Variants in LRRC49 observed in about 807,000 individuals in gnomAD.
LRRC49 encodes the protein leucine-rich repeat-containing protein 49.
A neutral mutation model predicts 83.3 loss-of-function variants in LRRC49; 50 were observed. The ratio of observed to expected loss-of-function variants is 0.60; its 90% CI spans 0.48 to 0.76. The LOEUF is 0.76. Ranked by LOEUF, LRRC49 falls within the 30% of genes least tolerant of loss-of-function variation. LRRC49 has a pLI of 0.00. For synonymous variants in LRRC49, 286 were observed against 283.3 expected (o/e 1.01, Z -0.10); for missense variants, 704 against 809.1 (o/e 0.87, Z 1.58).
intron 1 of LRRC49, chr15:70,859,330 C>A (rs1158356898): frequency 3.8e-6 from 3 of 784,402 alleles, no homozygotes; most frequent in African/African-American, 1.7e-5. Flanking sequence ...CTTACATGAA[C>A]AAGATAGAGC....
chr15:70,894,567 C>A, intron 2 of LRRC49: 3 of 1,184,722 alleles, frequency 2.5e-6, no homozygotes, highest in Non-Finnish European at 2.2e-6. Flanking sequence ...TCTGTCTCAC[C>A]TCAGCATTTA....
intron 14 of LRRC49, among the ~76,000 whole-genome samples, chr15:71,020,403 C>A (rs1237166837): frequency 6.6e-6 from 1 of 152,124 alleles, no homozygotes; most frequent in East Asian, 1.9e-4. Flanking sequence ...AGGGTAGAGT[C>A]AGTATTAAAA....
intron 1 of LRRC49, among the ~76,000 whole-genome samples, chr15:70,871,934 T>C (rs1179155507): frequency 6.9e-6 from 1 of 145,200 alleles, no homozygotes; most frequent in Non-Finnish European, 1.5e-5. Flanking sequence ...GCAGAGGGGC[T>C]CCTCACATCC....
At chr15:70,954,021 A>T (rs184575793) in intron 8 of LRRC49, among the ~76,000 whole-genome samples, 9 of 152,072 alleles carry the variant, frequency 5.9e-5, no homozygotes, top group Admixed American at 3.9e-4. Flanking sequence ...CAGTCTCCCG[A>T]GTACTTGACT....
intron 9 of LRRC49, among the ~76,000 whole-genome samples, chr15:70,971,564 G>C (rs935106423): frequency 2.0e-5 from 3 of 152,096 alleles, no homozygotes; most frequent in African/African-American, 7.2e-5. Context: ...TATTGACAGT[G>C]GGGTGTTAAA....
upstream of LRRC49, chr15:70,892,092 C>G: frequency 1.9e-6 from 3 of 1,613,948 alleles, no homozygotes; most frequent in African/African-American, 1.3e-5. Flanking sequence ...TCAAAACAGG[C>G]TGGGGCAAAG....
At chr15:70,859,801 C>G (rs953439366) in intron 1 of LRRC49, 1 of 751,976 alleles carries the variant, frequency 1.3e-6, no homozygotes, top group African/African-American at 1.7e-5. Context: ...TGCAATGGGC[C>G]AGGCAGGATA....
intron 6 of LRRC49, among the ~76,000 whole-genome samples, chr15:70,913,883 G>C (rs998254779): frequency 7.5e-4 from 114 of 151,896 alleles, no homozygotes; most frequent in African/African-American, 2.6e-3. Flanking sequence ...CATATCATTT[G>C]ATCTGTACCT....
intron 14 of LRRC49, among the ~76,000 whole-genome samples, chr15:71,019,546 A>C (rs935755789): frequency 2.0e-5 from 3 of 152,208 alleles, no homozygotes; most frequent in Admixed American, 6.5e-5. Flanking sequence ...GGCTCCATCT[A>C]AAATGGTAAA....
intron 5 of LRRC49, chr15:70,907,515 C>G (rs1032608656): frequency 1.3e-5 from 2 of 154,268 alleles, no homozygotes; most frequent in African/African-American, 4.8e-5. Context: ...CCACCCTCGT[C>G]ATTACAGGCT....
rs527527025 is a variant in LRRC49, at chr15:70,977,743, A to G, written c.922-2358A>G. Among the ~76,000 whole-genome samples the G allele has an allele frequency of 3.1e-4, 47 of 152,230 alleles. 1 individual carries two copies. Among genetic ancestry groups the G allele is most frequent in the African/African-American group, 1.1e-3 (45 of 41,550 alleles). ...CATTTCCATTTCCATTTCCTTTAAA[A>G]CAACTAAATCATATGGCAGATCACT... On this transcript the variant is annotated intron_variant, in intron 9 of 15. Coordinates refer to ENST00000260382, the MANE Select transcript of LRRC49 (RefSeq NM_017691.5).
At chr15:70,873,268 A>G in intron 2 of LRRC49, 1 of 1,523,514 alleles carries the variant, frequency 6.6e-7, no homozygotes. Context: ...TAACAATTAT[A>G]CTCTGCTATC....
chr15:70,920,134 A>G (rs1159646717), intron 7 of LRRC49, among the ~76,000 whole-genome samples: 1 of 152,182 alleles, frequency 6.6e-6, no homozygotes, highest in African/African-American at 2.4e-5. Context: ...TCATTTATGC[A>G]CTTTGAAAGA....
At chr15:71,027,097 T>TC (rs2039196839) in intron 14 of LRRC49, among the ~76,000 whole-genome samples, 3 of 152,248 alleles carry the variant, frequency 2.0e-5, no homozygotes, top group African/African-American at 7.2e-5. Flanking sequence ...AAGTCTTTAA[T>TC]CCATCTTGAG....
chr15:70,890,420 T>C (rs1003534197), upstream of LRRC49, among the ~76,000 whole-genome samples: 4 of 152,220 alleles, frequency 2.6e-5, no homozygotes, highest in African/African-American at 9.6e-5. Flanking sequence ...TTTGTTCTTA[T>C]AGTCATGTAA....
chr15:70,936,032 T>G (rs751789608), intron 7 of LRRC49, among the ~76,000 whole-genome samples: 6 of 152,218 alleles, frequency 3.9e-5, no homozygotes, highest in Non-Finnish European at 7.3e-5. Flanking sequence ...GCTTTTACTT[T>G]ATTTTTTGTT....
At chr15:70,884,851 A>C (rs897413771) in intron 2 of LRRC49, among the ~76,000 whole-genome samples, 8 of 152,204 alleles carry the variant, frequency 5.3e-5, no homozygotes, top group African/African-American at 1.9e-4. Flanking sequence ...AAGCAAAAAG[A>C]AGCTAAAAAT....
At chr15:70,962,036 G>A (rs2036619194) in intron 8 of LRRC49, among the ~76,000 whole-genome samples, 1 of 152,204 alleles carries the variant, frequency 6.6e-6, no homozygotes, top group African/African-American at 2.4e-5. Flanking sequence ...AAATGAGCCT[G>A]TAAGACTAAA....
intron 12 of LRRC49, 89 bp downstream of exon 12, chr15:71,008,705 T>G: frequency 1.2e-6 from 1 of 866,360 alleles, no homozygotes; most frequent in East Asian, 2.5e-5. Flanking sequence ...CTTGTATTTA[T>G]GTAGTTTCTA....
Sources: gnomAD v4.1 joint callset for allele counts (sites outside exome capture counted in the v4.1 genomes callset) on GRCh38, gnomAD v4.1.1 for gene constraint, MANE v1.5 for transcripts, NCBI Gene and HGNC (gene_info 2026-07-23, HGNC 2026-07-21) for gene names.